SAFB2: variants seen among roughly 807,000 people sequenced by gnomAD.
SAFB2 encodes the protein scaffold attachment factor B2.
A neutral mutation model predicts 100.6 loss-of-function variants in SAFB2; 32 were observed. The observed-to-expected ratio is 0.32, with a 90% CI of 0.24 to 0.43. The LOEUF (loss-of-function observed/expected upper bound fraction) is 0.43. SAFB2 is among the 20% of genes least tolerant of loss of function. The pLI is 1.00. For synonymous variants in SAFB2, 500 were observed against 439.4 expected (o/e 1.14, Z -1.72); for missense variants, 1,185 against 1,163.4 (o/e 1.02, Z -0.27).
intron 4 of SAFB2, among the ~76,000 whole-genome samples, chr19:5,614,647 G>A (rs557408129): frequency 6.6e-6 from 1 of 152,320 alleles, no homozygotes; most frequent in East Asian, 1.9e-4. Flanking sequence ...AATGCCTTAA[G>A]GAAACAAAAC....
At chr19:5,603,728 C>G (rs1423920051) in intron 11 of SAFB2, among the ~76,000 whole-genome samples, 1 of 152,144 alleles carries the variant, frequency 6.6e-6, no homozygotes, top group Non-Finnish European at 1.5e-5. Flanking sequence ...TGTGAACTCA[C>G]AGGGTGCCTT....
chr19:5,614,100 T>C (rs148406879), intron 4 of SAFB2, among the ~76,000 whole-genome samples: 2,155 of 152,226 alleles, frequency 0.014, 31 homozygotes, highest in Non-Finnish European at 0.02. Flanking sequence ...ATTACAGGCA[T>C]GCACCACCAC....
At chr19:5,612,253 A>G (rs1410903922) in intron 6 of SAFB2, 1 of 493,724 alleles carries the variant, frequency 2.0e-6, no homozygotes, top group African/African-American at 2.0e-5. Context: ...GTAGAAACAC[A>G]TGGAGGAATC....
In SAFB2 at chr19:5,604,911, T is replaced by A; in HGVS notation, c.1322A>T (p.Asn441Ile). Residue 441 changes from asparagine to isoleucine, a missense_variant, in exon 10 of 21, where the codon AAC becomes ATC. This residue lies in a region of SAFB2 where 94 missense variants were observed against 135.1 expected (regional missense o/e 0.70). Transcript: ENST00000252542. ...GKVVGAKVVT[N>I]ARSPGARCYG... is the part of the protein sequence containing the mutation. The stretch of plus-strand genomic sequence containing the variant: ...GCATCGAGCCCCCGGGCTGCGGGCG[T>A]TCGTTACCACTTTGGCCCCGACAAC... 1.2e-6 allele frequency: 2 copies of A among 1,613,566 alleles called. 1 individual carries two copies. The highest frequency in any genetic ancestry group is 2.2e-5 in the South Asian group (2 of 91,062).
chr19:5,610,983 A>G (rs1396839153), intron 7 of SAFB2, 137 bp downstream of exon 7: 7 of 553,552 alleles, frequency 1.3e-5, no homozygotes, highest in Admixed American at 3.7e-5. Flanking sequence ...ACAAAGAGAA[A>G]CGAAACATTC....
At chr19:5,600,306 AAC>A in intron 11 of SAFB2, 46 bp from the exon 12 acceptor site, 2 of 1,602,434 alleles carry the variant, frequency 1.2e-6, no homozygotes, top group Non-Finnish European at 1.7e-6. Flanking sequence ...AAGACTCTGT[AAC>A]AGGAACGGCT....
chr19:5,592,577 C>A (rs2052433886), intron 16 of SAFB2, among the ~76,000 whole-genome samples, 170 bp downstream of exon 16: 1 of 152,208 alleles, frequency 6.6e-6, no homozygotes, highest in African/African-American at 2.4e-5. Flanking sequence ...CTGGGGATTC[C>A]AGCAACTCGC....
At chr19:5,598,052 T>C (rs927209321) in intron 13 of SAFB2, among the ~76,000 whole-genome samples, 1 of 151,198 alleles carries the variant, frequency 6.6e-6, no homozygotes, top group Non-Finnish European at 1.5e-5. Flanking sequence ...CAGGAGTCGC[T>C]TGAACCCAGG....
In SAFB2 at chr19:5,621,323, T is replaced by C. The variant is rs751599653; in HGVS notation, c.260A>G (p.Lys87Arg). The change falls in exon 2 of 21, where the codon AAG (lysine) becomes AGG (arginine). Residue 87 changes from lysine (K) to arginine (R), a missense_variant. Physicochemically the swap from Lys to Arg is conservative, Grantham distance 26. Coordinates refer to ENST00000252542, the MANE Select transcript of SAFB2 (RefSeq NM_014649.3). ...ELEATSKKSA[K>R]RCVKGLKMEE... Reference sequence around the variant, plus strand: ...ATGTACAATACCTTTAACACATCTCTTGGCTGACTTCTTGCTGGTGGCTTC... The same window carrying C: ...ATGTACAATACCTTTAACACATCTCCTGGCTGACTTCTTGCTGGTGGCTTC... The C allele has an allele frequency of 4.3e-6, 7 of 1,611,120 alleles. No homozygotes were observed. The highest frequency in any genetic ancestry group is 5.1e-6 in the Non-Finnish European group (6 of 1,177,246).
intron 2 of SAFB2, among the ~76,000 whole-genome samples, chr19:5,618,135 T>C (rs2053071181): frequency 6.6e-6 from 1 of 152,086 alleles, no homozygotes; most frequent in Non-Finnish European, 1.5e-5. Flanking sequence ...AGACCGAGTC[T>C]CTCTAACATA....
Position 5,587,671 on chromosome 19 carries a change from C to G in SAFB2, c.2705+30G>C. 16 of 1,533,688 alleles carry G rather than the reference C, an allele frequency of 1.0e-5. No individual in the cohort carries two copies. Among genetic ancestry groups the G allele is most frequent in the African/African-American group, 1.4e-5 (1 of 72,168 alleles). ...AGAGGAAGTGAGGAGCAGGAGTGAA[C>G]CACCGTCCTCCACGGACGACACACC... is the stretch of plus-strand genomic sequence containing the variant. On this transcript the variant is annotated intron_variant, in intron 20 of 20. Coordinates refer to ENST00000252542, the MANE Select transcript of SAFB2 (RefSeq NM_014649.3). This position sits in a 1 kb window ranked among gnomAD's most constrained non-coding sequence, Gnocchi z 4.9.
At chr19:5,618,106 C>T (rs546452590) in intron 2 of SAFB2, among the ~76,000 whole-genome samples, 76 of 152,284 alleles carry the variant, frequency 5.0e-4, no homozygotes, top group South Asian at 2.1e-3. Context: ...CACTGCCCTC[C>T]GCTCTGGGCA....
At position 5,610,165 on chromosome 19, in the gene SAFB2, G is replaced by A. The variant is rs929339632; in HGVS notation, c.1196-70C>T. 3.2e-5 allele frequency: 41 copies of A among 1,290,426 alleles called. No individual in the cohort carries two copies. The Admixed American group carries it at 3.8e-4, about 12-fold the overall frequency. The allele number at this position is 1,290,426 out of a possible 1,614,324, so 79.9% of individuals were successfully genotyped here. A position where few individuals can be genotyped will look rare whatever the true frequency, so the allele number is the denominator to read the frequency against. On this transcript the variant is annotated intron_variant, in intron 8 of 20. Transcript: ENST00000252542. ...AGGAAGCACAACCATTCTTAAGACC[G>A]CAGCCCTCTTTAAAAACCCTAACGA...
intron 9 of SAFB2, among the ~76,000 whole-genome samples, chr19:5,608,130 C>T (rs2052816938): frequency 6.6e-6 from 1 of 152,180 alleles, no homozygotes; most frequent in Non-Finnish European, 1.5e-5. Context: ...CCCCTCTGGC[C>T]TTCCTACGTC....
In SAFB2 at chr19:5,587,667, T is replaced by A; in HGVS notation, c.2705+34A>T. The A allele has an allele frequency of 6.5e-7, 1 of 1,528,106 alleles. No homozygotes were observed. The highest frequency in any genetic ancestry group is 8.8e-7 in the Non-Finnish European group (1 of 1,135,642). The allele number at this position is 1,528,106 out of a possible 1,614,324, so 94.7% of individuals were successfully genotyped here. ...AGGGAGAGGAAGTGAGGAGCAGGAG[T>A]GAACCACCGTCCTCCACGGACGACA... On this transcript the variant is annotated intron_variant, in intron 20 of 20. Transcript: ENST00000252542. The surrounding 1 kb of genome is among the most constrained non-coding windows in gnomAD (Gnocchi z 4.9).
chr19:5,617,712 A>T (rs1173687758), intron 2 of SAFB2, among the ~76,000 whole-genome samples: 3 of 152,186 alleles, frequency 2.0e-5, no homozygotes, highest in African/African-American at 7.2e-5. Context: ...AATGCACAGG[A>T]TACTCCCCAA....
At position 5,599,174 on chromosome 19, in the gene SAFB2, G is replaced by A. The variant is rs201871518; in HGVS notation, c.1691-290C>T. Among the ~76,000 whole-genome samples the A allele has an allele frequency of 2.4e-4, 36 of 152,120 alleles. No individual in the cohort carries two copies. In the East Asian group the frequency reaches 5.0e-3, roughly 21 times the overall value. On this transcript the variant is annotated intron_variant, in intron 12 of 20. Coordinates refer to ENST00000252542, the MANE Select transcript of SAFB2 (RefSeq NM_014649.3). ...GCACGGCCATCCTGCAGAGCCCTCC[G>A]TGACCCTCCACTCTAAACCCACACA...
chr19:5,612,593 C>T, intron 5 of SAFB2, 26 bp from the exon 6 acceptor site: 1 of 1,604,918 alleles, frequency 6.2e-7, no homozygotes. Flanking sequence ...AAAGCAAATC[C>T]ACAAGTCACT....
At position 5,604,707 on chromosome 19, in the gene SAFB2, T is replaced by C. The variant is rs369727778; in HGVS notation, c.1447-12A>G. 2.6e-5 allele frequency: 42 copies of C among 1,613,996 alleles called. No individual in the cohort carries two copies. Among genetic ancestry groups the C allele is most frequent in the African/African-American group, 1.2e-4 (9 of 74,928 alleles). ...GGCTCATTTTTGGCCTAAAATATAA[T>C]AGACAGAAATGATGTGTGGCCCAGA... On this transcript the variant is annotated splice_polypyrimidine_tract_variant and intron_variant, in intron 10 of 20. Transcript: ENST00000252542.
Sources: gnomAD v4.1 joint callset for allele counts (sites outside exome capture counted in the v4.1 genomes callset) on GRCh38, gnomAD v4.1.1 for gene constraint, gnomAD v4.1.1 regional missense constraint, Gnocchi (gnomAD v3.1) non-coding constraint, MANE v1.5 for transcripts, NCBI Gene and HGNC (gene_info 2026-07-23, HGNC 2026-07-21) for gene names.